The following RAB11FIP3 variants were observed in gnomAD, a reference collection of about 807,000 sequenced individuals.
RAB11FIP3 encodes rab11 family-interacting protein 3.
A neutral mutation model predicts 77.8 loss-of-function variants in RAB11FIP3; 17 were observed. The observed-to-expected ratio is 0.22, with a 90% CI of 0.15 to 0.33. The LOEUF is 0.33. Among genes scored for constraint, RAB11FIP3 ranks in the 10% least tolerant of loss-of-function variants. RAB11FIP3 has a pLI of 1.00. For synonymous variants in RAB11FIP3, 437 were observed against 448.2 expected, an observed-to-expected ratio of 0.98 and a Z score of 0.31; for missense variants, 1,005 against 1,011.2, an observed-to-expected ratio of 0.99 and a Z score of 0.08.
chr16:433,972 A>G (rs1057041605), intron 1 of RAB11FIP3, among the ~76,000 whole-genome samples: 3 of 152,138 alleles, frequency 2.0e-5, no homozygotes, highest in African/African-American at 7.2e-5. Flanking sequence ...ACAGTGCTGC[A>G]GTAAACATGG....
intron 1 of RAB11FIP3, among the ~76,000 whole-genome samples, chr16:429,487 A>G (rs1176718045): frequency 6.6e-6 from 1 of 151,674 alleles, no homozygotes; most frequent in Non-Finnish European, 1.5e-5. Flanking sequence ...GATAACAACT[A>G]GATTATCTTA....
chr16:431,737 A>T (rs907322603), intron 1 of RAB11FIP3, among the ~76,000 whole-genome samples: 7 of 150,832 alleles, frequency 4.6e-5, no homozygotes, highest in Non-Finnish European at 8.8e-5. Flanking sequence ...CACAATTGAG[A>T]TCATATTGGG....
chr16:506,150 T>C lies in RAB11FIP3; in HGVS notation c.1499+523T>C, dbSNP rs150860406. Among the ~76,000 whole-genome samples the C allele has an allele frequency of 1.2e-3, 179 of 152,088 alleles. No homozygotes were observed. The highest frequency in any genetic ancestry group is 4.1e-3 in the African/African-American group (171 of 41,486). On this transcript the variant is annotated intron_variant, in intron 8 of 13. Coordinates refer to ENST00000262305, the MANE Select transcript of RAB11FIP3 (RefSeq NM_014700.4). This position sits in a 1 kb window ranked among gnomAD's most constrained non-coding sequence, Gnocchi z 4.5. ...GGAGGAAGCGAAGTGTGACGCCGTGTTTGCAGAGAAAGAGTGGGAGCTGCT... is the reference window on the plus strand; with the variant it reads ...GGAGGAAGCGAAGTGTGACGCCGTGCTTGCAGAGAAAGAGTGGGAGCTGCT...
At chr16:516,083 G>A (rs921602004) in intron 9 of RAB11FIP3, among the ~76,000 whole-genome samples, 6 of 152,222 alleles carry the variant, frequency 3.9e-5, no homozygotes, top group South Asian at 4.1e-4. Context: ...GAGGCCGGCC[G>A]GTGCTCTTTG....
intron 1 of RAB11FIP3, among the ~76,000 whole-genome samples, chr16:427,120 G>A (rs1361597429): frequency 6.6e-6 from 1 of 152,156 alleles, no homozygotes; most frequent in Non-Finnish European, 1.5e-5. Context: ...GATACTGCTC[G>A]GCTGAATTCA....
chr16:502,571 G>C (rs1454293312), intron 6 of RAB11FIP3, among the ~76,000 whole-genome samples: 1 of 152,200 alleles, frequency 6.6e-6, no homozygotes, highest in African/African-American at 2.4e-5. Context: ...CTGAGATCAA[G>C]AATGTGCACA....
chr16:517,492 C>T (rs926584851), intron 9 of RAB11FIP3, among the ~76,000 whole-genome samples: 3 of 151,950 alleles, frequency 2.0e-5, no homozygotes, highest in South Asian at 2.1e-4. Flanking sequence ...CTCCTGAGCC[C>T]GGGAGGTCGG....
At position 482,548 on chromosome 16, in the gene RAB11FIP3, G is replaced by A. The variant is rs147525736; in HGVS notation, c.927G>A (p.Ala309=). The A allele has an allele frequency of 2.5e-5, 41 of 1,613,544 alleles. No homozygotes were observed. In the African/African-American group the frequency reaches 3.2e-4, roughly 13 times the overall value. The change falls in exon 4 of 14, where the codon GCG becomes GCA. Residue 309 remains alanine (A), a synonymous_variant. Coordinates refer to ENST00000262305, the MANE Select transcript of RAB11FIP3 (RefSeq NM_014700.4). The stretch of plus-strand genomic sequence containing the variant: ...AGGCCAACGAGGTGACGGACAGCGC[G>A]TACATGGGCTCCGAGAGCACCTACA... The part of the protein sequence containing the change: ...TYEANEVTDS[A]YMGSESTYSE...
intron 4 of RAB11FIP3, among the ~76,000 whole-genome samples, chr16:484,377 A>C (rs1421058255): frequency 6.7e-6 from 1 of 149,226 alleles, no homozygotes. Context: ...TTTGAGACGG[A>C]GTCTCGCTCT....
At chr16:453,199 T>G in intron 1 of RAB11FIP3, among the ~76,000 whole-genome samples, 1 of 150,886 alleles carries the variant, frequency 6.6e-6, no homozygotes, top group Non-Finnish European at 1.5e-5. Flanking sequence ...CTCAGCCTTC[T>G]GAGTCGCTGG....
At chr16:456,336 A>G (rs1282810378) in intron 1 of RAB11FIP3, among the ~76,000 whole-genome samples, 3 of 151,982 alleles carry the variant, frequency 2.0e-5, no homozygotes, top group African/African-American at 7.2e-5. Flanking sequence ...GCTACTTGGG[A>G]GGCTGAGGTG....
intron 1 of RAB11FIP3, among the ~76,000 whole-genome samples, chr16:434,238 C>T (rs1281374742): frequency 6.6e-6 from 1 of 152,234 alleles, no homozygotes; most frequent in African/African-American, 2.4e-5. Context: ...TCTCCTGCCT[C>T]AGCCTCCTTA....
intron 6 of RAB11FIP3, among the ~76,000 whole-genome samples, chr16:498,996 A>G (rs2031330538): frequency 6.6e-6 from 1 of 151,780 alleles, no homozygotes; most frequent in Admixed American, 6.6e-5. Flanking sequence ...GGATCACCTG[A>G]GGTTGGGAGT....
chr16:470,928 C>T (rs1242112138), intron 2 of RAB11FIP3, among the ~76,000 whole-genome samples: 1 of 151,164 alleles, frequency 6.6e-6, no homozygotes, highest in Non-Finnish European at 1.5e-5. Context: ...TGATTGGTAC[C>T]TAACACTTTT....
chr16:465,799 T>G (rs973408008), intron 2 of RAB11FIP3, among the ~76,000 whole-genome samples: 1 of 152,082 alleles, frequency 6.6e-6, no homozygotes, highest in African/African-American at 2.4e-5. Flanking sequence ...GAGATGGGGT[T>G]TTGCCATGTT....
chr16:496,488 G>A lies in RAB11FIP3; in HGVS notation c.1266-336G>A, dbSNP rs190132158. The stretch of plus-strand genomic sequence containing the variant: ...GGGGCCTCCGAAGGCCAAGCGTTTG[G>A]GGGTAATTTGGCTTCAGAAGCATTG... On this transcript the variant is annotated intron_variant, in intron 5 of 13. Coordinates refer to ENST00000262305, the MANE Select transcript of RAB11FIP3 (RefSeq NM_014700.4). Among the ~76,000 whole-genome samples the A allele has an allele frequency of 5.4e-3, 829 of 152,350 alleles. 3 individuals carry two copies. Among genetic ancestry groups the A allele is most frequent in the Middle Eastern group, 0.027 (8 of 294 alleles).
chr16:520,236 C>T lies in RAB11FIP3; in HGVS notation c.1975C>T (p.Arg659Trp), dbSNP rs753374559. The T allele has an allele frequency of 7.8e-6, 12 of 1,546,122 alleles. No individual in the cohort carries two copies. The highest frequency in any genetic ancestry group is 2.4e-5 in the South Asian group (2 of 84,502). ...MGLQEYHSRA[R>W]ESELEQEVRR... ...CCTGCAGGAGTACCACAGCCGCGCCCGGGAGAGCGAGCTGGAGCAGGAGGT... is the reference window on the plus strand; with the variant it reads ...CCTGCAGGAGTACCACAGCCGCGCCTGGGAGAGCGAGCTGGAGCAGGAGGT... Residue 659 changes from arginine to tryptophan, a missense_variant, in exon 12 of 14, where the codon CGG (arginine) becomes TGG (tryptophan). By Grantham distance (101) the Arg-to-Trp change is moderately radical (BLOSUM62 -3). Coordinates refer to ENST00000262305, the MANE Select transcript of RAB11FIP3 (RefSeq NM_014700.4).
Position 519,824 on chromosome 16 carries a change from G to A in RAB11FIP3, c.1793G>A (p.Arg598Lys), listed in dbSNP as rs1440333515. 1.2e-6 allele frequency: 2 copies of A among 1,605,108 alleles called. No individual in the cohort carries two copies. The highest frequency in any genetic ancestry group is 1.7e-6 in the Non-Finnish European group (2 of 1,176,146). Residue 598 changes from arginine (R) to lysine (K), a missense_variant, in exon 11 of 14, where the codon AGG becomes AAG. Physicochemically the swap from Arg to Lys is conservative, Grantham distance 26. Coordinates refer to ENST00000262305, the MANE Select transcript of RAB11FIP3 (RefSeq NM_014700.4). Reference sequence around the variant, plus strand: ...CTCAGTGAAGAGCAGGAGAACAAGAGGAGAATGGGGGACAGGCTGAGTCAC... The same window carrying A: ...CTCAGTGAAGAGCAGGAGAACAAGAAGAGAATGGGGGACAGGCTGAGTCAC... ...LRLSEEQENK[R>K]RMGDRLSHER... is the part of the protein sequence containing the mutation.
rs961998223 is a variant in RAB11FIP3, at chr16:510,709, G to A, written c.1549G>A (p.Glu517Lys). ...QLKEQELRACEMVLEETRRQK... is the reference protein window; with the variant it reads ...QLKEQELRACKMVLEETRRQK... ...GAAGGAGCAGGAGCTGAGAGCCTGC[G>A]AGATGGTCCTGGAAGAGACCCGGCG... Residue 517 changes from glutamate to lysine, a missense_variant, in exon 9 of 14, where the codon GAG becomes AAG. Around this residue, in one of 4 missense-constraint regions of RAB11FIP3, gnomAD observed 433 missense variants for 436.1 expected, o/e 0.99. Transcript: ENST00000262305. The A allele has an allele frequency of 5.6e-6, 9 of 1,612,760 alleles. No homozygotes were observed. The highest frequency in any genetic ancestry group is 1.6e-4 in the Middle Eastern group (1 of 6,078).
Sources: gnomAD v4.1 joint callset for allele counts (sites outside exome capture counted in the v4.1 genomes callset) on GRCh38, gnomAD v4.1.1 for gene constraint, gnomAD v4.1.1 regional missense constraint, Gnocchi (gnomAD v3.1) non-coding constraint, MANE v1.5 for transcripts, NCBI Gene and HGNC (gene_info 2026-07-23, HGNC 2026-07-21) for gene names.